SLCO1C1: variants seen among roughly 807,000 people sequenced by gnomAD.
The protein encoded by SLCO1C1 is solute carrier organic anion transporter family member 1C1.
In SLCO1C1, 70 loss-of-function variants were observed where a neutral mutation model predicts 76.4. That is an observed-to-expected ratio of 0.92 (90% CI 0.76 to 1.12). The LOEUF (loss-of-function observed/expected upper bound fraction) is 1.12, where lower values mean the gene tolerates loss of function less well. Ranked by LOEUF, SLCO1C1 falls within the 50% of genes most tolerant of loss-of-function variation. SLCO1C1 has a pLI of 0.00. For missense variants in SLCO1C1, 912 were observed against 823.8 expected, an observed-to-expected ratio of 1.11 and a Z score of -1.31; for synonymous variants, 306 against 286.1, an observed-to-expected ratio of 1.07 and a Z score of -0.70.
At chr12:20,739,495 A>C (rs1161574263) in intron 11 of SLCO1C1, among the ~76,000 whole-genome samples, 1 of 152,034 alleles carries the variant, frequency 6.6e-6, no homozygotes, top group African/African-American at 2.4e-5. Context: ...ACCGAAGAGA[A>C]GAGCTGCCCG....
intron 5 of SLCO1C1, among the ~76,000 whole-genome samples, chr12:20,714,297 G>A (rs761453587): frequency 1.3e-5 from 2 of 152,140 alleles, no homozygotes; most frequent in African/African-American, 2.4e-5. Flanking sequence ...AGTTCAGCAC[G>A]TAGCAGAGAA....
intron 8 of SLCO1C1, among the ~76,000 whole-genome samples, chr12:20,722,437 A>G (rs1163901802): frequency 2.0e-5 from 3 of 152,230 alleles, no homozygotes; most frequent in Non-Finnish European, 4.4e-5. Context: ...GTCTCTCACC[A>G]ATGATCAAAG....
intron 9 of SLCO1C1, among the ~76,000 whole-genome samples, chr12:20,725,515 C>A (rs567164722): frequency 6.8e-6 from 1 of 147,016 alleles, no homozygotes; most frequent in African/African-American, 2.5e-5. Flanking sequence ...AAGCAGAAAA[C>A]AACATTCCAC....
chr12:20,706,292 T>C (rs1248369817), intron 4 of SLCO1C1, among the ~76,000 whole-genome samples: 1 of 152,162 alleles, frequency 6.6e-6, no homozygotes, highest in Non-Finnish European at 1.5e-5. Flanking sequence ...TGTATATTGA[T>C]ATCAACAAGA....
In SLCO1C1 at chr12:20,727,694, A is replaced by G. The variant is rs1487029136; in HGVS notation, c.1186+4440A>G. On this transcript the variant is annotated intron_variant, in intron 9 of 14. Coordinates refer to ENST00000266509, the MANE Select transcript of SLCO1C1 (RefSeq NM_017435.5). ...CCGGCTAATTTTTTGTATTTTTAGT[A>G]GAGACAGGGTTTCACTGTGTTAGCC... Among the ~76,000 whole-genome samples the G allele has an allele frequency of 2.0e-5, 3 of 152,080 alleles. 1 individual carries two copies. The highest frequency in any genetic ancestry group is 7.2e-5 in the African/African-American group (3 of 41,412).
intron 3 of SLCO1C1, among the ~76,000 whole-genome samples, chr12:20,705,675 C>T (rs1466144678): frequency 2.0e-5 from 3 of 151,910 alleles, no homozygotes; most frequent in Admixed American, 2.0e-4. Context: ...ATTTGACTTA[C>T]TGATAAAATA....
chr12:20,722,378 C>T (rs1326552467), intron 8 of SLCO1C1, among the ~76,000 whole-genome samples: 1 of 152,202 alleles, frequency 6.6e-6, no homozygotes, highest in Admixed American at 6.5e-5. Flanking sequence ...AGGTTGGCAG[C>T]CTTTCAACAG....
intron 12 of SLCO1C1, 66 bp downstream of exon 12, chr12:20,740,434 AT>A: frequency 6.9e-7 from 1 of 1,456,802 alleles, no homozygotes; most frequent in Non-Finnish European, 9.3e-7. Context: ...AATGATTTAA[AT>A]TTTTTTCTGT....
At position 20,732,898 on chromosome 12, in the gene SLCO1C1, T is replaced by C; in HGVS notation, c.1187-11T>C. On this transcript the variant is annotated splice_polypyrimidine_tract_variant and intron_variant, in intron 9 of 14. Coordinates refer to ENST00000266509, the MANE Select transcript of SLCO1C1 (RefSeq NM_017435.5). ...AGATTCACAAAATGATATATTTTTC[T>C]TGTTTCTCAGGGCTCATCAACATTC... 1 of 1,612,796 alleles carries C rather than the reference T, an allele frequency of 6.2e-7. No individual in the cohort carries two copies. The highest frequency in any genetic ancestry group is 8.5e-7 in the Non-Finnish European group (1 of 1,179,590).
intron 12 of SLCO1C1, among the ~76,000 whole-genome samples, chr12:20,743,037 T>C (rs1041810857): frequency 3.9e-5 from 6 of 152,308 alleles, no homozygotes; most frequent in African/African-American, 1.4e-4. Flanking sequence ...GGTAATTAAA[T>C]TTGACTTTAC....
At chr12:20,699,114 A>G (rs561484749) in intron 1 of SLCO1C1, among the ~76,000 whole-genome samples, 1 of 152,224 alleles carries the variant, frequency 6.6e-6, no homozygotes, top group South Asian at 2.1e-4. Flanking sequence ...TAATGAATGT[A>G]AAACTTCTAT....
At chr12:20,713,964 C>A (rs1191374844) in intron 5 of SLCO1C1, among the ~76,000 whole-genome samples, 1 of 152,168 alleles carries the variant, frequency 6.6e-6, no homozygotes, top group African/African-American at 2.4e-5. Context: ...CTAGAATGCA[C>A]ATTAGAGTTA....
chr12:20,752,478 G>C lies in SLCO1C1; in HGVS notation c.2089G>C (p.Asp697His). ...RFQKENYTTS[D>H]HLLQPNYWPG... is the part of the protein sequence containing the mutation. ...CCAAAAGGAAAATTACACTACAAGT[G>C]ATCATCTGCTACAACCCAACTACTG... Residue 697 changes from aspartate to histidine, a missense_variant, in exon 15 of 15, where the codon GAT becomes CAT. Asp to His is a moderately conservative substitution (Grantham distance 81). Coordinates refer to ENST00000266509, the MANE Select transcript of SLCO1C1 (RefSeq NM_017435.5). The C allele has an allele frequency of 6.2e-7, 1 of 1,611,444 alleles. No individual in the cohort carries two copies. The highest frequency in any genetic ancestry group is 1.3e-5 in the African/African-American group (1 of 74,992).
rs1014919967 is a variant in SLCO1C1 at position 20,742,334 on chromosome 12, T to G, written c.1734-971T>G. Among the ~76,000 whole-genome samples the G allele has an allele frequency of 4.5e-3, 170 of 37,462 alleles. 3 individuals are homozygous for G. Among genetic ancestry groups the G allele is most frequent in the Non-Finnish European group, 0.012 (137 of 11,562 alleles). The allele number at this position is 37,462 out of a possible 152,430, so 24.6% of individuals were successfully genotyped here. ...CTTGGGTTGAAGAAGAAAAGTCATG[T>G]TTTTTTTTTTTTGCCTCTTTTAAAG... On this transcript the variant is annotated intron_variant, in intron 12 of 14. Coordinates refer to ENST00000266509, the MANE Select transcript of SLCO1C1 (RefSeq NM_017435.5).
chr12:20,749,060 T>C (rs527343632), intron 13 of SLCO1C1, among the ~76,000 whole-genome samples: 285 of 152,312 alleles, frequency 1.9e-3, no homozygotes, highest in African/African-American at 6.7e-3. Flanking sequence ...ATTGAATCAA[T>C]TATTTACATG....
At chr12:20,748,979 C>T (rs531453042) in intron 13 of SLCO1C1, among the ~76,000 whole-genome samples, 62 of 152,246 alleles carry the variant, frequency 4.1e-4, no homozygotes, top group Admixed American at 1.5e-3. Context: ...TTTGACACTT[C>T]GAGATTATGT....
intron 9 of SLCO1C1, among the ~76,000 whole-genome samples, chr12:20,730,217 G>C (rs1312447029): frequency 6.6e-6 from 1 of 152,210 alleles, no homozygotes; most frequent in Non-Finnish European, 1.5e-5. Flanking sequence ...AATTGAGAGA[G>C]AAAATGTAGG....
intron 4 of SLCO1C1, among the ~76,000 whole-genome samples, chr12:20,708,384 C>A (rs898301358): frequency 6.6e-6 from 1 of 152,114 alleles, no homozygotes; most frequent in Non-Finnish European, 1.5e-5. Flanking sequence ...TCTGCCCTCA[C>A]AGATCTTCTG....
intron 2 of SLCO1C1, chr12:20,700,128 T>G (rs919032653): frequency 6.6e-6 from 1 of 152,664 alleles, no homozygotes; most frequent in African/African-American, 2.4e-5. Context: ...AACAATAGTT[T>G]TTAGTTTTTT....
Sources: gnomAD v4.1 joint callset for allele counts (sites outside exome capture counted in the v4.1 genomes callset) on GRCh38, gnomAD v4.1.1 for gene constraint, MANE v1.5 for transcripts, NCBI Gene and HGNC (gene_info 2026-07-23, HGNC 2026-07-21) for gene names.